Variants in WAPL observed in about 807,000 individuals in gnomAD.
The protein encoded by WAPL is WAPL cohesin release factor, also known as wings apart-like protein homolog.
WAPL carries 5 observed loss-of-function variants against 121.0 expected under a neutral mutation model. That is an observed-to-expected ratio of 0.04 (90% CI 0.02 to 0.09). WAPL has a LOEUF of 0.09. WAPL is among the 10% of genes least tolerant of loss of function. The pLI is 1.00. For missense variants in WAPL, 999 were observed against 1,410.8 expected (o/e 0.71, Z 4.68); for synonymous variants, 480 against 481.5 (o/e 1.00, Z 0.04).
chr10:86,505,470 A>G (rs1842332562), intron 2 of WAPL, among the ~76,000 whole-genome samples: 1 of 149,710 alleles, frequency 6.7e-6, no homozygotes, highest in African/African-American at 2.5e-5. Context: ...TATTTTTAGC[A>G]GAGACGGGGT....
intron 4 of WAPL, among the ~76,000 whole-genome samples, chr10:86,479,360 C>T (rs529531008): frequency 2.6e-5 from 4 of 152,102 alleles, no homozygotes; most frequent in Admixed American, 6.5e-5. Flanking sequence ...CGGGTTCAAG[C>T]GATTCTCCTG....
chr10:86,473,983 T>C lies in WAPL; in HGVS notation c.1645-10A>G, dbSNP rs1841594697. 6.2e-7 allele frequency: 1 copy of C among 1,606,580 alleles called. No homozygotes were observed. The highest frequency in any genetic ancestry group is 1.3e-5 in the African/African-American group (1 of 74,682). On this transcript the variant is annotated splice_polypyrimidine_tract_variant and intron_variant, in intron 4 of 18. Transcript: ENST00000298767. ...CAGCTTTTGTGGGTGACTAGAGAAA[T>C]GAGAGAAAGATCAACTGCTTCCATC... is the stretch of plus-strand genomic sequence containing the variant.
At chr10:86,471,220 A>T (rs1841526858) in intron 7 of WAPL, 117 bp from the exon 8 acceptor site, 2 of 651,970 alleles carry the variant, frequency 3.1e-6, no homozygotes, top group Admixed American at 5.6e-5. Flanking sequence ...AGCATTGCCC[A>T]TACATGATCA....
intron 1 of WAPL, among the ~76,000 whole-genome samples, chr10:86,519,164 A>G (rs1842621190): frequency 1.4e-5 from 2 of 144,308 alleles, no homozygotes; most frequent in South Asian, 4.2e-4. Flanking sequence ...CAGTAAATCA[A>G]GAGTCAAACA....
At chr10:86,489,062 GTCTAA>G (rs1333898144) in intron 4 of WAPL, among the ~76,000 whole-genome samples, 1 of 152,196 alleles carries the variant, frequency 6.6e-6, no homozygotes, top group Admixed American at 6.5e-5. Context: ...CATCAAAACT[GTCTAA>G]TCTGAGTCTA....
rs1484201745 is a variant in WAPL at position 86,467,262 on chromosome 10, A to T, written c.2370+17T>A. ...GAAAGTAATTCTCATCTTAGAAGGAAGGAAGAAGGAACCCACCGTTATATT... is the reference window on the plus strand; with the variant it reads ...GAAAGTAATTCTCATCTTAGAAGGATGGAAGAAGGAACCCACCGTTATATT... On this transcript the variant is annotated intron_variant, in intron 9 of 18. Coordinates refer to ENST00000298767, the MANE Select transcript of WAPL (RefSeq NM_015045.5). The T allele has an allele frequency of 6.2e-7, 1 of 1,603,442 alleles. No homozygotes were observed.
At chr10:86,438,136 GGTTA>G (rs1849370616) in intron 17 of WAPL, 121 bp from the exon 18 acceptor site, 1 of 623,214 alleles carries the variant, frequency 1.6e-6, no homozygotes, top group South Asian at 2.4e-5. Context: ...TGGAACACGT[GGTTA>G]TTTATTCTCT....
intron 4 of WAPL, among the ~76,000 whole-genome samples, chr10:86,482,574 C>G (rs1841816424): frequency 6.6e-6 from 1 of 152,136 alleles, no homozygotes. Context: ...CTACAGCTGA[C>G]CAGGTACAAG....
At chr10:86,455,052 G>C (rs1397368083) in intron 12 of WAPL, among the ~76,000 whole-genome samples, 1 of 147,408 alleles carries the variant, frequency 6.8e-6, no homozygotes, top group Non-Finnish European at 1.5e-5. Context: ...CAGCCGCCCC[G>C]TCCGGGAGGG....
chr10:86,480,352 C>T (rs986827863), intron 4 of WAPL, among the ~76,000 whole-genome samples: 2 of 152,160 alleles, frequency 1.3e-5, no homozygotes, highest in Non-Finnish European at 2.9e-5. Context: ...AAGTAGGTAA[C>T]TGTCACTTCA....
In WAPL at chr10:86,518,077, C is replaced by A. The variant is rs193239012; in HGVS notation, c.-8G>T. 9 of 1,609,854 alleles carry A rather than the reference C, an allele frequency of 5.6e-6. No homozygotes were observed. The highest frequency in any genetic ancestry group is 4.5e-5 in the East Asian group (2 of 44,802). On this transcript the variant is annotated 5_prime_UTR_variant, in exon 2 of 19. Transcript: ENST00000298767. ...CCCAAATCTGGATGTCATTTTGACACCAGTTTCATATTCTCTGTGAAAAAA... is the reference window on the plus strand; with the variant it reads ...CCCAAATCTGGATGTCATTTTGACAACAGTTTCATATTCTCTGTGAAAAAA...
intron 12 of WAPL, 43 bp from the exon 13 acceptor site, chr10:86,453,874 T>C (rs774954496): frequency 3.6e-6 from 5 of 1,399,580 alleles, no homozygotes; most frequent in Non-Finnish European, 2.8e-6. Context: ...TAAATAATAA[T>C]AGGTACACAG....
rs1408023019 is a variant in WAPL, at chr10:86,461,387, A to C, written c.2371-100T>G. 4 of 834,014 alleles carry C rather than the reference A, an allele frequency of 4.8e-6. No homozygotes were observed. In the East Asian group the frequency reaches 1.0e-4, roughly 21 times the overall value. The allele number at this position is 834,014 out of a possible 1,614,324, so 51.7% of individuals were successfully genotyped here. ...TTTACTGCATGCTACATGTAGTTTA[A>C]CACCACTTTTATACATAAAATTGAA... On this transcript the variant is annotated intron_variant, in intron 9 of 18. Transcript: ENST00000298767.
At chr10:86,492,885 G>C (rs1356163449) in intron 4 of WAPL, among the ~76,000 whole-genome samples, 1 of 152,026 alleles carries the variant, frequency 6.6e-6, no homozygotes, top group Non-Finnish European at 1.5e-5. Flanking sequence ...GTGAAACCCC[G>C]TCTCTACCAA....
chr10:86,497,456 C>G, intron 3 of WAPL, 137 bp from the exon 4 acceptor site: 5 of 662,666 alleles, frequency 7.5e-6, no homozygotes, highest in Non-Finnish European at 1.3e-5. Flanking sequence ...ACAGAGCTGA[C>G]AAAATACTCC....
At chr10:86,503,161 G>C (rs1335184010) in intron 2 of WAPL, among the ~76,000 whole-genome samples, 1 of 151,792 alleles carries the variant, frequency 6.6e-6, no homozygotes, top group Non-Finnish European at 1.5e-5. Flanking sequence ...CTGTTTAAAA[G>C]AACAACAACA....
chr10:86,506,254 A>T (rs992097041), intron 2 of WAPL, among the ~76,000 whole-genome samples: 2 of 152,120 alleles, frequency 1.3e-5, no homozygotes, highest in Non-Finnish European at 2.9e-5. Context: ...ACAAACAAAC[A>T]AACAAACAAA....
chr10:86,458,000 A>G (rs943159361), intron 12 of WAPL, among the ~76,000 whole-genome samples: 3 of 152,212 alleles, frequency 2.0e-5, no homozygotes, highest in Non-Finnish European at 4.4e-5. Context: ...TAATGTGTAC[A>G]TTACAGTTTA....
At chr10:86,446,090 G>T in intron 16 of WAPL, 152 bp downstream of exon 16, 1 of 786,004 alleles carries the variant, frequency 1.3e-6, no homozygotes, top group Non-Finnish European at 2.0e-6. Flanking sequence ...ACTACCACAA[G>T]CACTTAAGTA....
Sources: allele counts gnomAD v4.1 joint callset (sites outside exome capture counted in the v4.1 genomes callset), GRCh38; gene constraint gnomAD v4.1.1; transcripts MANE v1.5; gene names NCBI Gene and HGNC (gene_info 2026-07-23, HGNC 2026-07-21).